HSP90AA1: variants seen among roughly 807,000 people sequenced by gnomAD.
HSP90AA1 encodes the protein heat shock protein HSP 90-alpha.
HSP90AA1 carries 18 observed loss-of-function variants against 73.3 expected under a neutral mutation model. That is an observed-to-expected ratio of 0.25 (90% CI 0.17 to 0.36). The LOEUF (loss-of-function observed/expected upper bound fraction) is 0.36, where lower values mean the gene tolerates loss of function less well. HSP90AA1 is among the 10% of genes least tolerant of loss of function. The pLI, the probability that HSP90AA1 is intolerant of heterozygous loss-of-function variation, is 1.00. For missense variants in HSP90AA1, 704 were observed against 874.2 expected (o/e 0.81, Z 2.45); for synonymous variants, 477 against 296.9 (o/e 1.61, Z -6.24).
intron 1 of HSP90AA1, among the ~76,000 whole-genome samples, chr14:102,132,453 A>T (rs1475770196): frequency 6.6e-6 from 1 of 152,150 alleles, no homozygotes; most frequent in Non-Finnish European, 1.5e-5. Context: ...AGGCTGGGAC[A>T]GGAGGATGGC....
intron 1 of HSP90AA1, among the ~76,000 whole-genome samples, chr14:102,127,487 A>G (rs2049853678): frequency 1.3e-5 from 2 of 152,108 alleles, no homozygotes; most frequent in South Asian, 4.1e-4. Flanking sequence ...CTTTATTACT[A>G]TGGTTTGGAA....
chr14:102,086,168 A>T (rs768162224), intron 2 of HSP90AA1, 44 bp from the exon 3 acceptor site: 13 of 1,611,642 alleles, frequency 8.1e-6, no homozygotes, highest in Admixed American at 3.4e-5. Context: ...CACCCCCAAG[A>T]AGTTCACACT....
chr14:102,084,065 C>T lies in HSP90AA1; in HGVS notation c.1148-82G>A, dbSNP rs35565517. 2.3e-3 allele frequency: 2,484 copies of T among 1,078,780 alleles called. 58 individuals are homozygous for T. In the African/African-American group the frequency reaches 0.034, roughly 15 times the overall value. The allele number at this position is 1,078,780 out of a possible 1,614,324, so 66.8% of individuals were successfully genotyped here. Reference sequence around the variant, plus strand: ...TGTAAACTCCCAAAATCAAAGATAACCTGAAGATGATGGGACGTATTTTTG... The same window carrying T: ...TGTAAACTCCCAAAATCAAAGATAATCTGAAGATGATGGGACGTATTTTTG... On this transcript the variant is annotated intron_variant, in intron 6 of 10. Coordinates refer to ENST00000216281, the MANE Select transcript of HSP90AA1 (RefSeq NM_005348.4).
At chr14:102,098,836 A>G (rs945970001) in intron 2 of HSP90AA1, among the ~76,000 whole-genome samples, 6 of 152,116 alleles carry the variant, frequency 3.9e-5, no homozygotes. Flanking sequence ...GCCAAGCTTC[A>G]GTTTTGTTGT....
Position 102,083,090 on chromosome 14 carries a change from T to C in HSP90AA1, c.1699A>G (p.Lys567Glu). The C allele has an allele frequency of 6.2e-7, 1 of 1,613,896 alleles. No individual in the cohort carries two copies. The highest frequency in any genetic ancestry group is 1.1e-5 in the South Asian group (1 of 91,076). Residue 567 changes from lysine to glutamate, a missense_variant, in exon 9 of 11, where the codon AAG becomes GAG. Physicochemically the swap from Lys to Glu is moderately conservative, Grantham distance 56 (BLOSUM62 1). Transcript: ENST00000216281. ...EKKKQEEKKT[K>E]FENLCKIMKD... ...ATGATTTTGCAGAGGTTCTCAAACTTTGTTTTTTTCTCTTCCTGCTTCTTT... is the reference window on the plus strand; with the variant it reads ...ATGATTTTGCAGAGGTTCTCAAACTCTGTTTTTTTCTCTTCCTGCTTCTTT...
chr14:102,104,447 AAG>A (rs2049536166), intron 1 of HSP90AA1, among the ~76,000 whole-genome samples: 1 of 152,048 alleles, frequency 6.6e-6, no homozygotes, highest in Non-Finnish European at 1.5e-5. Context: ...TCCTGACCTC[AAG>A]TGATCCGCCT....
Position 102,081,448 on chromosome 14 carries a change from A to T in HSP90AA1, c.*264T>A. 1.8e-6 allele frequency: 1 copy of T among 541,918 alleles called. No individual in the cohort carries two copies. Among genetic ancestry groups the T allele is most frequent in the Non-Finnish European group, 3.3e-6 (1 of 303,028 alleles). 33.6% of individuals were successfully genotyped at this position (541,918 alleles called of 1,614,324 possible). A position where few individuals can be genotyped will look rare whatever the true frequency, so the allele number is the denominator to read the frequency against. On this transcript the variant is annotated 3_prime_UTR_variant, in exon 11 of 11. Coordinates refer to ENST00000216281, the MANE Select transcript of HSP90AA1 (RefSeq NM_005348.4). The stretch of plus-strand genomic sequence containing the variant: ...CACTTTAGACCACAAAGTTAACATC[A>T]TGTTACATACGTCTTACAGTGCACG...
chr14:102,088,650 T>G (rs1445759210), upstream of HSP90AA1, among the ~76,000 whole-genome samples: 1 of 152,116 alleles, frequency 6.6e-6, no homozygotes, highest in Non-Finnish European at 1.5e-5. Flanking sequence ...CGGCCCAGGC[T>G]TTCCTACAGC....
intron 1 of HSP90AA1, among the ~76,000 whole-genome samples, chr14:102,126,401 T>C (rs2049838959): frequency 6.6e-6 from 1 of 152,234 alleles, no homozygotes; most frequent in African/African-American, 2.4e-5. Context: ...TCAGTATGTG[T>C]TGATTATTTA....
upstream of HSP90AA1, among the ~76,000 whole-genome samples, chr14:102,087,531 C>G (rs1453706707): frequency 6.6e-6 from 1 of 152,072 alleles, no homozygotes; most frequent in Admixed American, 6.5e-5. Flanking sequence ...CGGCCCGGGT[C>G]TCACGCGCCC....
upstream of HSP90AA1, among the ~76,000 whole-genome samples, chr14:102,090,822 C>A (rs958675025): frequency 2.0e-5 from 3 of 152,334 alleles, no homozygotes; most frequent in African/African-American, 7.2e-5. Flanking sequence ...GACCTCGTCC[C>A]ACAGTGATGT....
intron 2 of HSP90AA1, among the ~76,000 whole-genome samples, chr14:102,097,311 G>C (rs1006886026): frequency 7.8e-6 from 1 of 127,606 alleles, no homozygotes; most frequent in African/African-American, 2.7e-5. Context: ...AAAGAAGAAA[G>C]AATGGAGGGT....
At chr14:102,126,482 G>A (rs753655094) in intron 1 of HSP90AA1, among the ~76,000 whole-genome samples, 5 of 152,050 alleles carry the variant, frequency 3.3e-5, no homozygotes, top group Non-Finnish European at 7.4e-5. Context: ...CAAGAAACTC[G>A]GAGTCTAAAT....
At chr14:102,109,618 C>T (rs2049613169) in intron 1 of HSP90AA1, among the ~76,000 whole-genome samples, 1 of 152,142 alleles carries the variant, frequency 6.6e-6, no homozygotes, top group Admixed American at 6.6e-5. Flanking sequence ...TATTTTTCTT[C>T]CCAGTCTTGG....
rs1317388040 is a variant in HSP90AA1, at chr14:102,084,724, T to A, written c.938A>T (p.Tyr313Phe). 1 of 1,614,032 alleles carries A rather than the reference T, an allele frequency of 6.2e-7. No individual in the cohort carries two copies. Among genetic ancestry groups the A allele is most frequent in the African/African-American group, 1.3e-5 (1 of 74,926 alleles). The change falls in exon 5 of 11, where the codon TAT becomes TTT. Residue 313 changes from tyrosine (Y) to phenylalanine (F), a missense_variant. Tyr to Phe is a conservative substitution (Grantham distance 22). Transcript: ENST00000216281. ...TTCCCAGTCATTGGTCAAGCTCTTA[T>A]AGAATTCTCCGTACTCCTCATTAGT... ...DITNEEYGEFYKSLTNDWEDH... is the reference protein window; with the variant it reads ...DITNEEYGEFFKSLTNDWEDH...
rs540579832 is a variant in HSP90AA1 at position 102,081,936 on chromosome 14, A to T, written c.2090-115T>A. 6.4e-6 allele frequency: 5 copies of T among 785,010 alleles called. No individual in the cohort carries two copies. The Admixed American group carries it at 9.3e-5, about 15-fold the overall frequency. The allele number at this position is 785,010 out of a possible 1,614,324, so 48.6% of individuals were successfully genotyped here. On this transcript the variant is annotated intron_variant, in intron 10 of 10. Coordinates refer to ENST00000216281, the MANE Select transcript of HSP90AA1 (RefSeq NM_005348.4). ...AGTATTACAGGACATATGAGTCTCA[A>T]TTTCATTTCTTTGCTCTTGTAAGAC...
chr14:102,139,373 G>A, exon 1 of HSP90AA1: 1 of 1,599,046 alleles, frequency 6.3e-7, no homozygotes, highest in Non-Finnish European at 8.5e-7. Context: ...CCCAGGAGGG[G>A]TGGAGCCGTC....
At chr14:102,120,403 A>G (rs1378524533) in intron 1 of HSP90AA1, among the ~76,000 whole-genome samples, 2 of 152,104 alleles carry the variant, frequency 1.3e-5, no homozygotes, top group East Asian at 3.8e-4. Flanking sequence ...GGAGTCATTT[A>G]CATTTAAAGA....
upstream of HSP90AA1, among the ~76,000 whole-genome samples, chr14:102,089,199 G>A (rs2049319252): frequency 1.3e-5 from 2 of 152,188 alleles, no homozygotes; most frequent in South Asian, 2.1e-4. Context: ...GGGATTACAG[G>A]CGTGAGCCAC....
Sources: allele counts gnomAD v4.1 joint callset (sites outside exome capture counted in the v4.1 genomes callset), GRCh38; gene constraint gnomAD v4.1.1; transcripts MANE v1.5; gene names NCBI Gene and HGNC (gene_info 2026-07-23, HGNC 2026-07-21).